Variants in BMPR1B observed in about 807,000 individuals in gnomAD.
The protein encoded by BMPR1B is bone morphogenetic protein receptor type 1B, also known as bone morphogenetic protein receptor type-1B.
Under a neutral mutation model 59.1 loss-of-function variants are expected in BMPR1B, and 12 were observed. The observed-to-expected ratio is 0.20, with a 90% confidence interval of 0.13 to 0.33. The LOEUF is 0.33. BMPR1B is among the 10% of genes least tolerant of loss of function. BMPR1B has a pLI of 1.00. For synonymous variants in BMPR1B, 237 were observed against 207.3 expected, an observed-to-expected ratio of 1.14 and a Z score of -1.23; for missense variants, 550 against 610.9, an observed-to-expected ratio of 0.90 and a Z score of 1.05.
At chr4:95,081,826 A>G (rs1367101054) in intron 3 of BMPR1B, among the ~76,000 whole-genome samples, 2 of 152,182 alleles carry the variant, frequency 1.3e-5, no homozygotes, top group African/African-American at 2.4e-5. Flanking sequence ...GTCAATCACA[A>G]CAACATGCTA....
chr4:95,079,013 C>T (rs564005337), intron 3 of BMPR1B, among the ~76,000 whole-genome samples: 9 of 152,238 alleles, frequency 5.9e-5, no homozygotes, highest in African/African-American at 1.9e-4. Context: ...CCTGCCTTAG[C>T]GTCCCAAAGT....
rs1723598699 is a variant in BMPR1B, at chr4:95,016,500, G to A, written c.-18+20366G>A. Among the ~76,000 whole-genome samples the A allele has an allele frequency of 2.0e-5, 3 of 152,150 alleles. No homozygotes were observed. In the South Asian group the frequency reaches 6.2e-4, roughly 31 times the overall value. ...AACTTTTGAGAAACTACCACTTCTT[G>A]AATTTGGGAGTAGTATTAAGGAAGA... On this transcript the variant is annotated intron_variant, in intron 3 of 12. Transcript: ENST00000515059.
At chr4:94,781,767 G>C (rs1461551691) in intron 1 of BMPR1B, among the ~76,000 whole-genome samples, 1 of 152,118 alleles carries the variant, frequency 6.6e-6, no homozygotes, top group East Asian at 1.9e-4. Context: ...AGTTTTAGTG[G>C]ACATAAGACT....
intron 10 of BMPR1B, among the ~76,000 whole-genome samples, chr4:95,132,986 C>T (rs2149304087): frequency 6.6e-6 from 1 of 152,228 alleles, no homozygotes; most frequent in Admixed American, 6.5e-5. Flanking sequence ...CTCTTTTTAC[C>T]TCTTACATAT....
chr4:94,868,018 ATTT>A (rs66760751), intron 1 of BMPR1B, among the ~76,000 whole-genome samples: 56 of 141,346 alleles, frequency 4.0e-4, no homozygotes, highest in African/African-American at 1.4e-3. Context: ...TGCCCCGCTA[ATTT>A]TTTTTTTTTT....
chr4:95,063,558 G>A (rs1166767253), intron 3 of BMPR1B, among the ~76,000 whole-genome samples: 1 of 152,072 alleles, frequency 6.6e-6, no homozygotes, highest in Non-Finnish European at 1.5e-5. Context: ...ACTGGCGTTT[G>A]TATCTTTTCT....
intron 6 of BMPR1B, among the ~76,000 whole-genome samples, chr4:95,118,874 G>A (rs922414665): frequency 6.6e-6 from 1 of 152,080 alleles, no homozygotes; most frequent in African/African-American, 2.4e-5. Context: ...AGGGTTATGG[G>A]GCAAATAAAA....
intron 10 of BMPR1B, among the ~76,000 whole-genome samples, chr4:95,140,517 A>G (rs548023432): frequency 1.3e-5 from 2 of 152,210 alleles, no homozygotes; most frequent in Admixed American, 6.5e-5. Flanking sequence ...CTGATTTTCC[A>G]TGTATCTTAA....
chr4:95,123,683 G>C (rs966164109), intron 6 of BMPR1B, 127 bp from the exon 7 acceptor site: 1 of 729,280 alleles, frequency 1.4e-6, no homozygotes, highest in Non-Finnish European at 2.3e-6. Context: ...AAAATTAATT[G>C]GTATGTGAAA....
At chr4:94,923,487 A>T (rs1728778761) in intron 2 of BMPR1B, among the ~76,000 whole-genome samples, 1 of 152,138 alleles carries the variant, frequency 6.6e-6, no homozygotes, top group African/African-American at 2.4e-5. Flanking sequence ...ACTCAAGGTA[A>T]TGACTAGCAG....
At chr4:95,098,576 T>C (rs1338055399) in intron 3 of BMPR1B, among the ~76,000 whole-genome samples, 7 of 152,074 alleles carry the variant, frequency 4.6e-5, no homozygotes, top group African/African-American at 1.7e-4. Flanking sequence ...TATTATACTT[T>C]AAGTTTTAGG....
chr4:94,788,838 G>T (rs1427000734), intron 1 of BMPR1B, among the ~76,000 whole-genome samples: 4 of 152,184 alleles, frequency 2.6e-5, no homozygotes, highest in Admixed American at 6.5e-5. Flanking sequence ...CATCACGCCT[G>T]CCCAAGCCTG....
intron 3 of BMPR1B, among the ~76,000 whole-genome samples, chr4:95,077,413 CT>C (rs1432762962): frequency 7.2e-5 from 11 of 152,096 alleles, no homozygotes; most frequent in African/African-American, 2.2e-4. Context: ...CATGTGAAAG[CT>C]GTTAGAACAG....
intron 1 of BMPR1B, among the ~76,000 whole-genome samples, chr4:94,812,088 A>G (rs1723839011): frequency 6.6e-6 from 1 of 152,178 alleles, no homozygotes; most frequent in African/African-American, 2.4e-5. Context: ...TCTGCTTGCC[A>G]GAGGACATTG....
rs1015075136 is a variant in BMPR1B, at chr4:94,933,219, G to T, written c.-113+57319G>T. 3.3e-5 allele frequency among the ~76,000 whole-genome samples: 5 copies of T among 151,900 alleles called. No individual in the cohort carries two copies. In the South Asian group the frequency reaches 1.0e-3, roughly 32 times the overall value. ...CATTGTTTGCCTGCCATAATCTAGGGATTTTATGTCCTATTAACTGTTCCT... is the reference window on the plus strand; with the variant it reads ...CATTGTTTGCCTGCCATAATCTAGGTATTTTATGTCCTATTAACTGTTCCT... On this transcript the variant is annotated intron_variant, in intron 2 of 12. Coordinates refer to ENST00000515059, the MANE Select transcript of BMPR1B (RefSeq NM_001203.3).
chr4:95,116,504 T>C (rs1463490798), intron 6 of BMPR1B, among the ~76,000 whole-genome samples: 1 of 151,302 alleles, frequency 6.6e-6, no homozygotes, highest in Non-Finnish European at 1.5e-5. Flanking sequence ...CTAAATCTTA[T>C]CTAAGTGATT....
At chr4:95,096,829 T>C in intron 3 of BMPR1B, among the ~76,000 whole-genome samples, 1 of 140,954 alleles carries the variant, frequency 7.1e-6, no homozygotes, top group East Asian at 2.0e-4. Context: ...TATATTTATA[T>C]TTATATATAA....
At chr4:94,976,247 A>T (rs554359124) in intron 2 of BMPR1B, among the ~76,000 whole-genome samples, 1 of 152,310 alleles carries the variant, frequency 6.6e-6, no homozygotes, top group South Asian at 2.1e-4. Context: ...ATTTAAAGAG[A>T]GAATACTGTA....
At chr4:94,978,291 G>T (rs1032823611) in intron 2 of BMPR1B, among the ~76,000 whole-genome samples, 5 of 152,196 alleles carry the variant, frequency 3.3e-5, no homozygotes, top group African/African-American at 7.2e-5. Flanking sequence ...TGTGGGCCAG[G>T]ATTTTTGGCA....
Sources: allele counts gnomAD v4.1 joint callset (sites outside exome capture counted in the v4.1 genomes callset), GRCh38; gene constraint gnomAD v4.1.1; transcripts MANE v1.5; gene names NCBI Gene and HGNC (gene_info 2026-07-23, HGNC 2026-07-21).